The following DCAF12 variants were observed in gnomAD, a reference collection of about 807,000 sequenced individuals.
DCAF12 encodes the protein DDB1- and CUL4-associated factor 12.
DCAF12 carries 28 observed loss-of-function variants against 52.8 expected under a neutral mutation model. The ratio of observed to expected loss-of-function variants is 0.53; its 90% CI spans 0.39 to 0.73. DCAF12 has a LOEUF of 0.73. DCAF12 is among the 30% of genes least tolerant of loss of function. The pLI, the probability that DCAF12 is intolerant of heterozygous loss-of-function variation, is 0.00. For missense variants in DCAF12, 425 were observed against 552.2 expected (o/e 0.77, Z 2.31); for synonymous variants, 196 against 215.5 (o/e 0.91, Z 0.79).
In DCAF12 at chr9:34,116,893, C is replaced by G. The variant is rs550909582; in HGVS notation, c.333+8130G>C. On this transcript the variant is annotated intron_variant, in intron 2 of 8. Coordinates refer to ENST00000361264, the MANE Select transcript of DCAF12 (RefSeq NM_015397.4). ...ACTCGGGAGGATGAGGCAGAAGAAT[C>G]GCTTGAACCCAAGAGGCGGAGGTTG... Among the ~76,000 whole-genome samples the G allele has an allele frequency of 2.9e-4, 44 of 152,242 alleles. 1 individual carries two copies. The highest frequency in any genetic ancestry group is 9.9e-4 in the African/African-American group (41 of 41,546).
intron 2 of DCAF12, among the ~76,000 whole-genome samples, chr9:34,120,330 T>A (rs1378904147): frequency 1.3e-5 from 2 of 149,354 alleles, no homozygotes; most frequent in Admixed American, 1.3e-4. Flanking sequence ...CAGTGAGCCA[T>A]GACTGCACCA....
chr9:34,123,770 T>A (rs150195321), intron 2 of DCAF12, among the ~76,000 whole-genome samples: 17 of 151,510 alleles, frequency 1.1e-4, no homozygotes, highest in African/African-American at 3.4e-4. Flanking sequence ...GTGCGGGGAG[T>A]GGAATGAACT....
intron 2 of DCAF12, among the ~76,000 whole-genome samples, chr9:34,117,442 G>A (rs1187935661): frequency 1.3e-5 from 2 of 151,692 alleles, no homozygotes; most frequent in East Asian, 1.9e-4. Context: ...GAGCCACCGC[G>A]CCCGGCCTCT....
At chr9:34,105,417 C>A (rs1202293190) in intron 4 of DCAF12, among the ~76,000 whole-genome samples, 2 of 152,008 alleles carry the variant, frequency 1.3e-5, no homozygotes, top group African/African-American at 2.4e-5. Flanking sequence ...CAGAGCAAGA[C>A]CCTGTGTCTA....
chr9:34,113,346 G>A (rs1376532889), intron 2 of DCAF12, among the ~76,000 whole-genome samples: 3 of 151,426 alleles, frequency 2.0e-5, no homozygotes, highest in Non-Finnish European at 2.9e-5. Context: ...GCCACTGTAC[G>A]CGGCCTGAAT....
rs1221658827 is a variant in DCAF12, at chr9:34,107,633, CT to C, written c.334-69del. The C allele has an allele frequency of 9.6e-6, 13 of 1,360,166 alleles. No homozygotes were observed. In the African/African-American group the frequency reaches 1.6e-4, roughly 17 times the overall value. 84.3% of individuals were successfully genotyped at this position (1,360,166 alleles called of 1,614,324 possible). ...GTGGCCAATACAGGGTATAAACATCCTTTTGTTCAACTGTTCATCAACATTT... is the reference window on the plus strand; with the variant it reads ...GTGGCCAATACAGGGTATAAACATCCTTTGTTCAACTGTTCATCAACATTT... On this transcript the variant is annotated intron_variant, in intron 2 of 8. Transcript: ENST00000361264.
chr9:34,118,682 G>C (rs1191299308), intron 2 of DCAF12, among the ~76,000 whole-genome samples: 1 of 152,130 alleles, frequency 6.6e-6, no homozygotes, highest in Non-Finnish European at 1.5e-5. Flanking sequence ...ATGATAATAT[G>C]GCCGGGCGTG....
At chr9:34,089,680 A>G in intron 7 of DCAF12, 90 bp from the exon 8 acceptor site, 9 of 1,320,892 alleles carry the variant, frequency 6.8e-6, no homozygotes, top group Non-Finnish European at 9.2e-6. Flanking sequence ...CTGAGTTTTC[A>G]ACGTCCACCC....
In DCAF12 at chr9:34,087,022, G is replaced by A. The variant is rs1476890571; in HGVS notation, c.*1328C>T. ...AATCAGGGAACAAGTGGACATCACA[G>A]TCAGCTGCCTGCAAGTTTAAAAACC... On this transcript the variant is annotated 3_prime_UTR_variant, in exon 9 of 9. Transcript: ENST00000361264. The A allele has an allele frequency of 6.6e-6, 1 of 152,218 alleles. No individual in the cohort carries two copies. Among genetic ancestry groups the A allele is most frequent in the Non-Finnish European group, 1.5e-5 (1 of 68,054 alleles). The allele number at this position is 152,218 out of a possible 1,614,324, so 9.4% of individuals were successfully genotyped here. A position where few individuals can be genotyped will look rare whatever the true frequency, so the allele number is the denominator to read the frequency against.
At chr9:34,118,378 C>T (rs1829118837) in intron 2 of DCAF12, among the ~76,000 whole-genome samples, 1 of 152,158 alleles carries the variant, frequency 6.6e-6, no homozygotes, top group Admixed American at 6.5e-5. Context: ...AAGTGATCCA[C>T]CTGCCTCAGC....
chr9:34,107,261 G>T (rs1460907501), intron 3 of DCAF12, 98 bp downstream of exon 3: 1 of 1,195,592 alleles, frequency 8.4e-7, no homozygotes, highest in Non-Finnish European at 1.2e-6. Flanking sequence ...GGGGAGTCCA[G>T]TCCCCACTCT....
At chr9:34,110,957 G>A (rs1828992551) in intron 2 of DCAF12, among the ~76,000 whole-genome samples, 1 of 150,126 alleles carries the variant, frequency 6.7e-6, no homozygotes, top group Non-Finnish European at 1.5e-5. Context: ...TGTTCACAAT[G>A]CCAGAAATGA....
rs1828678513 is a variant in DCAF12, at chr9:34,093,326, T to C, written c.984A>G (p.Ser328=). Residue 328 remains serine (S), a synonymous_variant, in exon 7 of 9, where the codon TCA becomes TCG. Transcript: ENST00000361264. ...HVSFLDPRQP[S]YNVKSVCSRE... ...TGGAACAGACAGACTTGACGTTGTA[T>C]GATGGCTGCCGTGGATCCAAGAAGG... The C allele has an allele frequency of 1.9e-6, 3 of 1,614,108 alleles. No homozygotes were observed. Among genetic ancestry groups the C allele is most frequent in the Non-Finnish European group, 1.7e-6 (2 of 1,180,054 alleles).
chr9:34,119,890 T>TG (rs1829144719), intron 2 of DCAF12, among the ~76,000 whole-genome samples: 1 of 151,762 alleles, frequency 6.6e-6, no homozygotes, highest in Non-Finnish European at 1.5e-5. Context: ...TTTGTAGAGA[T>TG]GGGGTCTCAC....
chr9:34,118,821 G>A (rs1030528055), intron 2 of DCAF12, among the ~76,000 whole-genome samples: 3 of 152,044 alleles, frequency 2.0e-5, no homozygotes, highest in Non-Finnish European at 2.9e-5. Context: ...AAAATTAGCC[G>A]GGCGTGGTGG....
Position 34,125,250 on chromosome 9 carries a change from T to A in DCAF12, c.106A>T (p.Arg36Trp). 1 of 1,614,170 alleles carries A rather than the reference T, an allele frequency of 6.2e-7. No individual in the cohort carries two copies. Among genetic ancestry groups the A allele is most frequent in the South Asian group, 1.1e-5 (1 of 91,086 alleles). The change falls in exon 2 of 9, where the codon AGG becomes TGG. Residue 36 changes from arginine (R) to tryptophan (W), a missense_variant. Arg to Trp is a moderately radical substitution (Grantham distance 101, BLOSUM62 -3). This residue lies in a region of DCAF12 where 89 missense variants were observed against 84.9 expected (regional missense o/e 1.05). Transcript: ENST00000361264. ...QFGWDHSLHK[R>W]KRLPPVKRSL... ...CTCTTCACAGGAGGAAGTCTTTTCC[T>A]TTTGTGAAGCGAGTGATCCCAGCCA...
At chr9:34,104,178 G>A (rs529212589) in intron 4 of DCAF12, among the ~76,000 whole-genome samples, 1 of 151,850 alleles carries the variant, frequency 6.6e-6, no homozygotes, top group Admixed American at 6.6e-5. Context: ...GGCAAGAGAA[G>A]TGTTTGAACC....
intron 8 of DCAF12, 118 bp from the exon 9 acceptor site, chr9:34,088,626 C>T (rs893286462): frequency 3.5e-6 from 4 of 1,133,310 alleles, no homozygotes; most frequent in Admixed American, 2.0e-5. Flanking sequence ...ACAGGTACAA[C>T]CTCATGTCAG....
At position 34,089,405 on chromosome 9, in the gene DCAF12, T is replaced by A; in HGVS notation, c.1203+7A>T. ...GTAGCAGTCATCTCAGGTAGGGGCTTACGCACCAGCCAGCCTTTGCCAGTG... is the reference window on the plus strand; with the variant it reads ...GTAGCAGTCATCTCAGGTAGGGGCTAACGCACCAGCCAGCCTTTGCCAGTG... On this transcript the variant is annotated splice_region_variant and intron_variant, in intron 8 of 8. Transcript: ENST00000361264. The A allele has an allele frequency of 6.2e-7, 1 of 1,610,408 alleles. No homozygotes were observed. Among genetic ancestry groups the A allele is most frequent in the East Asian group, 2.2e-5 (1 of 44,834 alleles).
Sources: gnomAD v4.1 joint callset for allele counts (sites outside exome capture counted in the v4.1 genomes callset) on GRCh38, gnomAD v4.1.1 for gene constraint, gnomAD v4.1.1 regional missense constraint, MANE v1.5 for transcripts, NCBI Gene and HGNC (gene_info 2026-07-23, HGNC 2026-07-21) for gene names.